Variants in LAMB3 observed in about 807,000 individuals in gnomAD.
LAMB3 encodes the protein laminin subunit beta-3.
In LAMB3, 104 loss-of-function variants were observed where a neutral mutation model predicts 140.3. The ratio of observed to expected loss-of-function variants is 0.74; its 90% confidence interval spans 0.63 to 0.87. The LOEUF is 0.87. Ranked by LOEUF, LAMB3 falls within the 40% of genes least tolerant of loss-of-function variation. The pLI is 0.00. For synonymous variants in LAMB3, 592 were observed against 602.9 expected (o/e 0.98, Z 0.26); for missense variants, 1,531 against 1,575.2 (o/e 0.97, Z 0.47).
chr1:209,640,824 A>G (rs865788563), intron 3 of LAMB3, among the ~76,000 whole-genome samples: 21 of 152,088 alleles, frequency 1.4e-4, no homozygotes, highest in Admixed American at 6.5e-4. Context: ...GCTCACGCCT[A>G]TAATCCCAGC....
In LAMB3 at chr1:209,634,917, TTCTCTCTCTCTC is replaced by T. The variant is rs59855467; in HGVS notation, c.373-291_373-280del. On this transcript the variant is annotated intron_variant, in intron 5 of 22. Transcript: ENST00000356082. Reference sequence around the variant, plus strand: ...ACTTCGCACAGTTGACCATTTTTTATTCTCTCTCTCTCTCTCTCTCTCTCTCTCTCTCTCTCT... The same window carrying T: ...ACTTCGCACAGTTGACCATTTTTTATTCTCTCTCTCTCTCTCTCTCTCTCT... Among the ~76,000 whole-genome samples the T allele has an allele frequency of 5.9e-4, 81 of 136,236 alleles. 1 individual carries two copies. Among genetic ancestry groups the T allele is most frequent in the East Asian group, 2.4e-3 (11 of 4,566 alleles). 89.4% of individuals were successfully genotyped at this position (136,236 alleles called of 152,430 possible).
At chr1:209,628,233 T>C (rs1428337546) in intron 10 of LAMB3, 43 bp from the exon 11 acceptor site, 4 of 1,548,854 alleles carry the variant, frequency 2.6e-6, no homozygotes, top group Non-Finnish European at 2.6e-6. Flanking sequence ...CAAAGAAAAG[T>C]AGAGTTCAGA....
chr1:209,615,429 CAGG>C (rs1374768262), intron 22 of LAMB3, 22 bp from the exon 23 acceptor site: 4 of 1,576,484 alleles, frequency 2.5e-6, no homozygotes, highest in African/African-American at 2.7e-5. Context: ...GGAACAGCAG[CAGG>C]AGGAGGAGTT....
intron 3 of LAMB3, among the ~76,000 whole-genome samples, chr1:209,645,188 A>G (rs1205039732): frequency 6.6e-6 from 1 of 152,036 alleles, no homozygotes; most frequent in Non-Finnish European, 1.5e-5. Flanking sequence ...CTATCCCCTC[A>G]AAACAAGACT....
intron 2 of LAMB3, among the ~76,000 whole-genome samples, chr1:209,650,531 C>T (rs1161005067): frequency 6.6e-6 from 1 of 152,214 alleles, no homozygotes; most frequent in African/African-American, 2.4e-5. Flanking sequence ...ATTTATTCTG[C>T]TCCTTTATCT....
At position 209,640,497 on chromosome 1, in the gene LAMB3, G is replaced by A. The variant is rs187919077; in HGVS notation, c.184-1849C>T. 6.1e-3 allele frequency among the ~76,000 whole-genome samples: 932 copies of A among 151,912 alleles called. 6 individuals carry two copies. The highest frequency in any genetic ancestry group is 0.021 in the African/African-American group (873 of 41,464). On this transcript the variant is annotated intron_variant, in intron 3 of 22. Transcript: ENST00000356082. The stretch of plus-strand genomic sequence containing the variant: ...TGGGAGGCAGAGGTTGCAGTGAGAC[G>A]AGATCGTGCCACTGCACTCCAGCCT...
At chr1:209,637,886 C>T (rs1666943622) in intron 5 of LAMB3, 22 bp downstream of exon 5, 1 of 1,597,300 alleles carries the variant, frequency 6.3e-7, no homozygotes, top group Non-Finnish European at 8.6e-7. Context: ...CTCCTATCCA[C>T]TGCCACCCCC....
rs1447160998 is a variant in LAMB3 at position 209,618,002 on chromosome 1, T to C, written c.2956A>G (p.Asn986Asp). ...AGTGCCACTGTCCCCTGCCGCAGGT[T>C]CCCAACCACATCTTCCACCTGGCCC... ...VEGQVEDVVG[N>D]LRQGTVALQE... Residue 986 changes from asparagine (N) to aspartate (D), a missense_variant, in exon 20 of 23, where the codon AAC becomes GAC. Coordinates refer to ENST00000356082, the MANE Select transcript of LAMB3 (RefSeq NM_000228.3). 5 of 1,614,152 alleles carry C rather than the reference T, an allele frequency of 3.1e-6. No homozygotes were observed. Among genetic ancestry groups the C allele is most frequent in the Non-Finnish European group, 4.2e-6 (5 of 1,180,018 alleles).
rs1666544610 is a variant in LAMB3 at position 209,628,161 on chromosome 1, G to C, written c.1162C>G (p.Pro388Ala). 1 of 1,567,304 alleles carries C rather than the reference G, an allele frequency of 6.4e-7. No homozygotes were observed. The change falls in exon 11 of 23, where the codon CCA becomes GCA. Residue 388 changes from proline to alanine, a missense_variant. Physicochemically the swap from Pro to Ala is conservative, Grantham distance 27. Transcript: ENST00000356082. Reference sequence around the variant, plus strand: ...GTCACTGGGTCACAGGGAGCCCCTGGCACTGCCCCATCCGGATCACACTCG... The same window carrying C: ...GTCACTGGGTCACAGGGAGCCCCTGCCACTGCCCCATCCGGATCACACTCG... ...SCECDPDGAV[P>A]GAPCDPVTGQ...
Position 209,618,027 on chromosome 1 carries a change from C to T in LAMB3, c.2931G>A (p.Glu977=), listed in dbSNP as rs1558147526. 8.7e-6 allele frequency: 14 copies of T among 1,614,186 alleles called. No homozygotes were observed. The highest frequency in any genetic ancestry group is 1.2e-5 in the Non-Finnish European group (14 of 1,180,034). ...TCCCAACCACATCTTCCACCTGGCC[C>T]TCCACTGCATGGGCTCGGCTCCTGG... is the stretch of plus-strand genomic sequence containing the variant. The part of the protein sequence containing the change: ...EEARSRAHAV[E]GQVEDVVGNL... The change falls in exon 20 of 23, where the codon GAG becomes GAA. Residue 977 remains glutamate (E), a synonymous_variant. Transcript: ENST00000356082.
At chr1:209,645,895 G>T (rs2076513514) in intron 3 of LAMB3, among the ~76,000 whole-genome samples, 1 of 152,226 alleles carries the variant, frequency 6.6e-6, no homozygotes, top group Non-Finnish European at 1.5e-5. Flanking sequence ...GGTCGTTGGA[G>T]TGTGTGTGTC....
At chr1:209,638,457 G>C (rs1164487552) in intron 4 of LAMB3, 77 bp downstream of exon 4, 2 of 952,106 alleles carry the variant, frequency 2.1e-6, no homozygotes, top group Non-Finnish European at 3.5e-6. Flanking sequence ...AAACCCAAAG[G>C]GTTATAGGGC....
intron 3 of LAMB3, among the ~76,000 whole-genome samples, chr1:209,641,596 C>T (rs929215971): frequency 2.0e-5 from 3 of 152,158 alleles, no homozygotes; most frequent in African/African-American, 7.2e-5. Flanking sequence ...TCTCACACAG[C>T]GAGCCCCAAG....
In LAMB3 at chr1:209,622,606, G is replaced by C; in HGVS notation, c.2631C>G (p.Ser877Arg). The C allele has an allele frequency of 6.2e-7, 1 of 1,614,130 alleles. No homozygotes were observed. The highest frequency in any genetic ancestry group is 1.7e-4 in the Middle Eastern group (1 of 6,050). Residue 877 changes from serine (S) to arginine (R), a missense_variant, in exon 18 of 23, where the codon AGC becomes AGG. Ser to Arg is a moderately radical substitution (Grantham distance 110, BLOSUM62 -1). Transcript: ENST00000356082. Reference protein sequence around the residue: ...AQRLETQVSASRSQMEEDVRR... With the variant: ...AQRLETQVSARRSQMEEDVRR... The stretch of plus-strand genomic sequence containing the variant: ...TGACATCTTCCTCCATCTGGGAGCG[G>C]CTGGCGCTCACCTGGGTCTCCAAGC...
At chr1:209,632,912 C>A in intron 7 of LAMB3, 136 bp from the exon 8 acceptor site, 1 of 1,040,974 alleles carries the variant, frequency 9.6e-7, no homozygotes. Flanking sequence ...CCATAGCATC[C>A]CACAGACAAT....
intron 3 of LAMB3, among the ~76,000 whole-genome samples, chr1:209,639,781 T>G (rs1190016329): frequency 6.6e-6 from 1 of 152,116 alleles, no homozygotes; most frequent in African/African-American, 2.4e-5. Flanking sequence ...GCTTAAACCA[T>G]ACTGTCCAGA....
At chr1:209,621,342 C>T (rs918079310) in intron 18 of LAMB3, among the ~76,000 whole-genome samples, 6 of 152,200 alleles carry the variant, frequency 3.9e-5, no homozygotes, top group Non-Finnish European at 2.9e-5. Context: ...AATATTTTCC[C>T]CAGGTGAGTG....
In LAMB3 at chr1:209,638,594, G is replaced by C; in HGVS notation, c.238C>G (p.His80Asp). ...DSRQPHNYYSHRVENVASSSG... is the reference protein window; with the variant it reads ...DSRQPHNYYSDRVENVASSSG... ...GATGAAGCCACATTCTCTACTCGGTGACTGTAGTAGTTGTGAGGCTGCCTG... is the reference window on the plus strand; with the variant it reads ...GATGAAGCCACATTCTCTACTCGGTCACTGTAGTAGTTGTGAGGCTGCCTG... The change falls in exon 4 of 23, where the codon CAC becomes GAC. Residue 80 changes from histidine (H) to aspartate (D), a missense_variant. Coordinates refer to ENST00000356082, the MANE Select transcript of LAMB3 (RefSeq NM_000228.3). 1 of 1,614,142 alleles carries C rather than the reference G, an allele frequency of 6.2e-7. No individual in the cohort carries two copies. The highest frequency in any genetic ancestry group is 2.2e-5 in the East Asian group (1 of 44,872).
chr1:209,637,948 T>A lies in LAMB3; in HGVS notation c.332A>T (p.Asp111Val), dbSNP rs55824996. Reference protein sequence around the residue: ...VNPVSLQLDLDRRFQLQEVMM... With the variant: ...VNPVSLQLDLVRRFQLQEVMM... ...GACTTCTTGAAGCTGGAATCTCCTG[T>A]CCAGGTCCAGCTGCAGAGAGACAGG... Residue 111 changes from aspartate (D) to valine (V), a missense_variant, in exon 5 of 23, where the codon GAC becomes GTC. Asp to Val is a radical substitution (Grantham distance 152). Coordinates refer to ENST00000356082, the MANE Select transcript of LAMB3 (RefSeq NM_000228.3). 1 of 1,613,244 alleles carries A rather than the reference T, an allele frequency of 6.2e-7. No homozygotes were observed. The highest frequency in any genetic ancestry group is 8.5e-7 in the Non-Finnish European group (1 of 1,179,738).
Sources: allele counts gnomAD v4.1 joint callset (sites outside exome capture counted in the v4.1 genomes callset), GRCh38; gene constraint gnomAD v4.1.1; transcripts MANE v1.5; gene names NCBI Gene and HGNC (gene_info 2026-07-23, HGNC 2026-07-21).